The following ATG7 variants were observed in gnomAD, a reference collection of about 807,000 sequenced individuals.
ATG7 encodes ubiquitin-like modifier-activating enzyme ATG7.
Under a neutral mutation model 82.4 loss-of-function variants are expected in ATG7, and 70 were observed. That is an observed-to-expected ratio of 0.85 (90% confidence interval 0.70 to 1.04). ATG7 has a LOEUF of 1.04. ATG7 is among the 50% of genes least tolerant of loss of function. The pLI, the probability that ATG7 is intolerant of heterozygous loss-of-function variation, is 0.00. For missense variants in ATG7, 792 were observed against 864.3 expected (o/e 0.92, Z 1.05); for synonymous variants, 287 against 313.0 (o/e 0.92, Z 0.88).
intron 7 of ATG7, among the ~76,000 whole-genome samples, chr3:11,310,234 C>T (rs189235076): frequency 6.6e-6 from 1 of 152,134 alleles, no homozygotes; most frequent in African/African-American, 2.4e-5. Flanking sequence ...TTCTCCTGCT[C>T]ATTTTACTTC....
At chr3:11,324,696 A>G (rs1244352932) in intron 9 of ATG7, among the ~76,000 whole-genome samples, 5 of 152,172 alleles carry the variant, frequency 3.3e-5, no homozygotes, top group African/African-American at 9.7e-5. Flanking sequence ...AGGGTAAGAA[A>G]TATGCTTATT....
intron 20 of ATG7, among the ~76,000 whole-genome samples, chr3:11,508,651 A>G (rs1025883006): frequency 1.3e-5 from 2 of 152,086 alleles, no homozygotes; most frequent in African/African-American, 4.8e-5. Flanking sequence ...GTGTCTCACC[A>G]TCTTGCCCAG....
rs369556171 is a variant in ATG7, at chr3:11,299,313, G to A, written c.161-49G>A. Reference sequence around the variant, plus strand: ...ATTCATAAGCATTTTTGTTATGAACGCTGCTATTTCTGACTTGTCATTGAA... The same window carrying A: ...ATTCATAAGCATTTTTGTTATGAACACTGCTATTTCTGACTTGTCATTGAA... On this transcript the variant is annotated intron_variant, in intron 4 of 20. Coordinates refer to ENST00000693202, the MANE Select transcript of ATG7 (RefSeq NM_001349232.2). 2.5e-5 allele frequency: 38 copies of A among 1,546,312 alleles called. No homozygotes were observed. The East Asian group carries it at 4.3e-4, about 17-fold the overall frequency.
intron 9 of ATG7, among the ~76,000 whole-genome samples, chr3:11,323,812 A>G (rs778699358): frequency 6.6e-6 from 1 of 152,204 alleles, no homozygotes; most frequent in Non-Finnish European, 1.5e-5. Flanking sequence ...TTTGAAGTGC[A>G]TTAGGTATTT....
At chr3:11,385,601 T>G (rs191404253) in intron 19 of ATG7, among the ~76,000 whole-genome samples, 298 of 152,326 alleles carry the variant, frequency 2.0e-3, no homozygotes, top group African/African-American at 6.9e-3. Context: ...AGTTGTGAAA[T>G]GCCCTACAGC....
chr3:11,483,747 T>G (rs1430470223), intron 20 of ATG7, among the ~76,000 whole-genome samples: 2 of 152,202 alleles, frequency 1.3e-5, no homozygotes, highest in Non-Finnish European at 2.9e-5. Context: ...TCACAGATGT[T>G]ATCTGCTTTA....
At chr3:11,415,471 C>T (rs2081290743) in intron 19 of ATG7, among the ~76,000 whole-genome samples, 1 of 152,198 alleles carries the variant, frequency 6.6e-6, no homozygotes, top group Admixed American at 6.5e-5. Flanking sequence ...TTTGTAACAA[C>T]ACCTAGCTTA....
rs553882197 is a variant in ATG7 at position 11,471,278 on chromosome 3, C to T, written c.2079+44352C>T. Among the ~76,000 whole-genome samples the T allele has an allele frequency of 2.5e-3, 383 of 152,292 alleles. 2 individuals are homozygous for T. The highest frequency in any genetic ancestry group is 0.021 in the South Asian group (103 of 4,828). On this transcript the variant is annotated intron_variant, in intron 20 of 20. Transcript: ENST00000693202. ...TTCCTCTCAAGCTGGCCCTGGCGCT[C>T]TGGACTCCTCACACTTCTGCCTGGC... is the stretch of plus-strand genomic sequence containing the variant.
intron 20 of ATG7, among the ~76,000 whole-genome samples, chr3:11,514,953 G>C (rs113561671): frequency 0.015 from 2,330 of 150,738 alleles, 63 homozygotes; most frequent in African/African-American, 0.054. Context: ...TGATTCTCCT[G>C]CCTCAGCTTC....
intron 9 of ATG7, among the ~76,000 whole-genome samples, chr3:11,317,871 G>A (rs550433168): frequency 2.3e-4 from 35 of 152,286 alleles, no homozygotes; most frequent in Admixed American, 1.5e-3. Flanking sequence ...GATTACAGGC[G>A]TGAGCCACTG....
chr3:11,299,764 G>A (rs1275666791), intron 5 of ATG7, among the ~76,000 whole-genome samples: 1 of 152,028 alleles, frequency 6.6e-6, no homozygotes, highest in East Asian at 1.9e-4. Context: ...CATGGGCATT[G>A]TCCATGGGCA....
intron 20 of ATG7, among the ~76,000 whole-genome samples, chr3:11,471,741 A>ATTTC (rs1553685495): frequency 4.3e-4 from 13 of 30,406 alleles, no homozygotes; most frequent in African/African-American, 2.3e-3. Flanking sequence ...GGCTTTTTAG[A>ATTTC]TTTCTTTTTT....
rs192369681 is a variant in ATG7, at chr3:11,401,419, G to A, written c.1956+21367G>A. On this transcript the variant is annotated intron_variant, in intron 19 of 20. Transcript: ENST00000693202. ...TATGTGTTGGTTTAAAAAGATGACC[G>A]AGAATAGAAAGTTGTATCTTCTAAA... Among the ~76,000 whole-genome samples the A allele has an allele frequency of 3.0e-4, 45 of 152,214 alleles. No individual in the cohort carries two copies. The East Asian group carries it at 3.3e-3, about 11-fold the overall frequency.
chr3:11,479,406 C>A (rs1459386170), intron 20 of ATG7, among the ~76,000 whole-genome samples: 1 of 152,198 alleles, frequency 6.6e-6, no homozygotes. Context: ...AGGCCACACA[C>A]CATATGACAG....
chr3:11,550,399 G>T (rs115390718), intron 20 of ATG7, among the ~76,000 whole-genome samples: 3 of 151,814 alleles, frequency 2.0e-5, no homozygotes, highest in African/African-American at 7.2e-5. Flanking sequence ...TTCTCTTCTT[G>T]AATTTTATTT....
chr3:11,308,906 C>T, intron 6 of ATG7, 78 bp from the exon 7 acceptor site: 1 of 1,329,900 alleles, frequency 7.5e-7, no homozygotes, highest in Admixed American at 1.7e-5. Flanking sequence ...TGGTGCTTTT[C>T]AGCTCCACAC....
chr3:11,484,596 A>G (rs1308120039), intron 20 of ATG7, among the ~76,000 whole-genome samples: 1 of 152,082 alleles, frequency 6.6e-6, no homozygotes, highest in African/African-American at 2.4e-5. Flanking sequence ...CATGTGCACA[A>G]TGTGCAGGTT....
chr3:11,467,989 G>A (rs925996570), intron 20 of ATG7, among the ~76,000 whole-genome samples: 4 of 152,286 alleles, frequency 2.6e-5, no homozygotes, highest in East Asian at 1.9e-4. Flanking sequence ...GTTGTTTTGC[G>A]TTTGGAAATA....
chr3:11,501,475 G>A (rs1296108638), intron 20 of ATG7, among the ~76,000 whole-genome samples: 1 of 152,066 alleles, frequency 6.6e-6, no homozygotes, highest in East Asian at 1.9e-4. Context: ...CATTTAGAAA[G>A]TAAAGTTCAT....
Sources: gnomAD v4.1 joint callset for allele counts (sites outside exome capture counted in the v4.1 genomes callset) on GRCh38, gnomAD v4.1.1 for gene constraint, MANE v1.5 for transcripts, NCBI Gene and HGNC (gene_info 2026-07-23, HGNC 2026-07-21) for gene names.